INPP5A: variants seen among roughly 807,000 people sequenced by gnomAD.
The protein encoded by INPP5A is 43 kDa inositol polyphosphate 5-phophatase.
A neutral mutation model predicts 65.2 loss-of-function variants in INPP5A; 14 were observed. That is an observed-to-expected ratio of 0.21 (90% CI 0.14 to 0.34). The LOEUF is 0.34. Ranked by LOEUF, INPP5A falls within the 10% of genes least tolerant of loss-of-function variation. INPP5A has a pLI of 1.00. For synonymous variants in INPP5A, 207 were observed against 208.3 expected (o/e 0.99, Z 0.05); for missense variants, 431 against 545.6 (o/e 0.79, Z 2.09).
rs1435771166 is a variant in INPP5A at position 132,549,857 on chromosome 10, G to C, written c.75+11686G>C. 6.6e-6 allele frequency among the ~76,000 whole-genome samples: 1 copy of C among 152,218 alleles called. No homozygotes were observed. Among genetic ancestry groups the C allele is most frequent in the African/African-American group, 2.4e-5 (1 of 41,446 alleles). ...GAGTCACTGTGCCTTAGAGTACGGAGTCAGCCTCAAATTATTAACCAGGCA... is the reference window on the plus strand; with the variant it reads ...GAGTCACTGTGCCTTAGAGTACGGACTCAGCCTCAAATTATTAACCAGGCA... On this transcript the variant is annotated intron_variant, in intron 1 of 15. Coordinates refer to ENST00000368594, the MANE Select transcript of INPP5A (RefSeq NM_005539.5). The surrounding 1 kb of genome is among the most constrained non-coding windows in gnomAD (Gnocchi z 4.9).
At chr10:132,556,269 C>T (rs138118299) in intron 1 of INPP5A, among the ~76,000 whole-genome samples, 2,914 of 152,284 alleles carry the variant, frequency 0.019, 52 homozygotes, top group Middle Eastern at 0.034. Context: ...AAATTTGCTC[C>T]ACCGAGTGAA....
At chr10:132,567,578 G>A (rs1806332501) in intron 1 of INPP5A, among the ~76,000 whole-genome samples, 1 of 152,184 alleles carries the variant, frequency 6.6e-6, no homozygotes, top group East Asian at 1.9e-4. Flanking sequence ...GGACACTACT[G>A]TTGACCAAAC....
At chr10:132,689,620 A>G (rs77083933) in intron 4 of INPP5A, among the ~76,000 whole-genome samples, 1 of 152,212 alleles carries the variant, frequency 6.6e-6, no homozygotes, top group South Asian at 2.1e-4. Context: ...TTAGCAAAAG[A>G]AAAAAATACA....
At chr10:132,591,461 CAA>C (rs1266546649) in intron 1 of INPP5A, among the ~76,000 whole-genome samples, 3 of 152,374 alleles carry the variant, frequency 2.0e-5, no homozygotes, top group South Asian at 2.1e-4. Flanking sequence ...TCCCTGGAAA[CAA>C]GAGAGGTCTT....
chr10:132,753,379 T>C lies in INPP5A; in HGVS notation c.903+3534T>C, dbSNP rs935000004. ...TGCGCCGGTCGCAGCCCCAAGTCCA[T>C]TGCATCCTTCATCAACCGCCGGTCT... On this transcript the variant is annotated intron_variant, in intron 11 of 15. Coordinates refer to ENST00000368594, the MANE Select transcript of INPP5A (RefSeq NM_005539.5). The surrounding 1 kb of genome is among the most constrained non-coding windows in gnomAD (Gnocchi z 5.3). Among the ~76,000 whole-genome samples the C allele has an allele frequency of 1.3e-5, 2 of 152,166 alleles. 1 individual carries two copies. The highest frequency in any genetic ancestry group is 1.3e-4 in the Admixed American group (2 of 15,278).
chr10:132,604,020 C>G (rs1427073487), intron 1 of INPP5A, among the ~76,000 whole-genome samples: 1 of 148,330 alleles, frequency 6.7e-6, no homozygotes, highest in African/African-American at 2.5e-5. Flanking sequence ...GGTCCCCTCT[C>G]TGTCCCGCCC....
intron 1 of INPP5A, among the ~76,000 whole-genome samples, chr10:132,590,984 CCAGG>C (rs2071612485): frequency 2.0e-5 from 3 of 152,144 alleles, no homozygotes; most frequent in Non-Finnish European, 2.9e-5. Context: ...CTCTGGGGGC[CCAGG>C]CTGCTGTCAC....
intron 11 of INPP5A, among the ~76,000 whole-genome samples, chr10:132,763,827 C>T (rs889589337): frequency 1.2e-4 from 18 of 152,180 alleles, no homozygotes; most frequent in Non-Finnish European, 4.4e-5. Context: ...ATAAACACAT[C>T]TGCATGCAAA....
At chr10:132,642,306 G>C (rs984613956) in intron 2 of INPP5A, among the ~76,000 whole-genome samples, 1 of 152,220 alleles carries the variant, frequency 6.6e-6, no homozygotes, top group African/African-American at 2.4e-5. Flanking sequence ...CGGCGGGCTG[G>C]GGACGACATC....
intron 4 of INPP5A, among the ~76,000 whole-genome samples, chr10:132,688,293 C>T (rs1316805302): frequency 6.6e-6 from 1 of 152,232 alleles, no homozygotes; most frequent in Non-Finnish European, 1.5e-5. Flanking sequence ...GAGCAGCAGC[C>T]TCCTGACGCC....
chr10:132,645,099 T>G (rs554300628), intron 2 of INPP5A, among the ~76,000 whole-genome samples: 1 of 152,342 alleles, frequency 6.6e-6, no homozygotes, highest in Non-Finnish European at 1.5e-5. Flanking sequence ...TTTGTTGCAC[T>G]GCTCTTTAGC....
At chr10:132,696,270 T>G (rs1441493325) in intron 5 of INPP5A, among the ~76,000 whole-genome samples, 1 of 152,226 alleles carries the variant, frequency 6.6e-6, no homozygotes, top group African/African-American at 2.4e-5. Flanking sequence ...CAACTTCAGC[T>G]ATAGATTCAA....
At chr10:132,749,697 G>A (rs1295272133) in intron 10 of INPP5A, 74 bp from the exon 11 acceptor site, 35 of 1,595,546 alleles carry the variant, frequency 2.2e-5, no homozygotes, top group Non-Finnish European at 2.6e-5. Flanking sequence ...CTGCCTGCCC[G>A]GTTCGGTGGG....
chr10:132,746,210 T>C (rs1400742921), intron 9 of INPP5A, among the ~76,000 whole-genome samples: 1 of 152,234 alleles, frequency 6.6e-6, no homozygotes, highest in Non-Finnish European at 1.5e-5. Context: ...GCCTGGAGGC[T>C]ACAGCCAGCG....
At chr10:132,628,830 A>G (rs923989272) in intron 2 of INPP5A, among the ~76,000 whole-genome samples, 10 of 152,260 alleles carry the variant, frequency 6.6e-5, no homozygotes, top group Admixed American at 4.6e-4. Flanking sequence ...TGCATATGTC[A>G]TTTCAAAGTT....
intron 7 of INPP5A, 96 bp downstream of exon 7, chr10:132,708,461 T>C (rs753865297): frequency 6.3e-6 from 8 of 1,274,466 alleles, no homozygotes; most frequent in Non-Finnish European, 9.2e-6. Context: ...TTGGAGGCTC[T>C]ACTGATTTTG....
chr10:132,539,879 C>T (rs948507463), intron 1 of INPP5A, among the ~76,000 whole-genome samples: 12 of 152,156 alleles, frequency 7.9e-5, no homozygotes, highest in African/African-American at 1.7e-4. Flanking sequence ...TAACAAAAGG[C>T]GCTGTTTTTC....
At chr10:132,630,717 G>C (rs2072257496) in intron 2 of INPP5A, among the ~76,000 whole-genome samples, 1 of 131,274 alleles carries the variant, frequency 7.6e-6, no homozygotes, top group South Asian at 2.8e-4. Context: ...AGGGTGGGGG[G>C]CGGGTGGGGC....
At chr10:132,611,820 G>A (rs12770956) in intron 2 of INPP5A, among the ~76,000 whole-genome samples, 12,630 of 132,342 alleles carry the variant, frequency 0.095, 1,221 homozygotes, top group Non-Finnish European at 0.15. Context: ...AGGAGGGTGC[G>A]GGAGGTGAGG....
Sources: gnomAD v4.1 joint callset for allele counts (sites outside exome capture counted in the v4.1 genomes callset) on GRCh38, gnomAD v4.1.1 for gene constraint, Gnocchi (gnomAD v3.1) non-coding constraint, MANE v1.5 for transcripts, NCBI Gene and HGNC (gene_info 2026-07-23, HGNC 2026-07-21) for gene names.